Variants in PEX14 observed in about 807,000 individuals in gnomAD.
PEX14 encodes peroxisomal biogenesis factor 14.
In PEX14, 15 loss-of-function variants were observed where a neutral mutation model predicts 49.5. The observed-to-expected ratio is 0.30, with a 90% CI of 0.20 to 0.47. PEX14 has a LOEUF of 0.47. Among genes scored for constraint, PEX14 ranks in the 20% least tolerant of loss-of-function variants. PEX14 has a pLI of 1.00. For synonymous variants in PEX14, 210 were observed against 212.7 expected (o/e 0.99, Z 0.11); for missense variants, 398 against 494.8 (o/e 0.80, Z 1.86).
intron 3 of PEX14, among the ~76,000 whole-genome samples, chr1:10,546,729 C>T (rs937758376): frequency 6.8e-6 from 1 of 147,900 alleles, no homozygotes; most frequent in African/African-American, 2.5e-5. Context: ...ATCAGCCGTG[C>T]GTGGTGGTGG....
In PEX14 at chr1:10,575,249, C is replaced by T. The variant is rs1369481813; in HGVS notation, c.170-23989C>T. On this transcript the variant is annotated intron_variant, in intron 3 of 8. Coordinates refer to ENST00000356607, the MANE Select transcript of PEX14 (RefSeq NM_004565.3). Reference sequence around the variant, plus strand: ...TCATGCAACTTTATGCACTGAAAAACGTTCTATCAAAGTATATAAAGCGAA... The same window carrying T: ...TCATGCAACTTTATGCACTGAAAAATGTTCTATCAAAGTATATAAAGCGAA... Among the ~76,000 whole-genome samples, 4 of 152,166 alleles carry T rather than the reference C, an allele frequency of 2.6e-5. No individual in the cohort carries two copies. The East Asian group carries it at 5.8e-4, about 22-fold the overall frequency.
At chr1:10,504,208 C>G (rs1051737260) in intron 2 of PEX14, among the ~76,000 whole-genome samples, 2 of 152,170 alleles carry the variant, frequency 1.3e-5, no homozygotes, top group African/African-American at 4.8e-5. Context: ...CTTCCTTCTT[C>G]CCTCCCAGCT....
At chr1:10,506,763 T>C (rs1310406599) in intron 2 of PEX14, among the ~76,000 whole-genome samples, 2 of 152,236 alleles carry the variant, frequency 1.3e-5, no homozygotes, top group South Asian at 2.1e-4. Context: ...TACTGATGTC[T>C]TGAAGTTCTT....
rs551483986 is a variant in PEX14, at chr1:10,495,589, G to A, written c.84+268G>A. 6.6e-6 allele frequency among the ~76,000 whole-genome samples: 1 copy of A among 152,286 alleles called. No homozygotes were observed. Among genetic ancestry groups the A allele is most frequent in the South Asian group, 2.1e-4 (1 of 4,830 alleles). On this transcript the variant is annotated intron_variant, in intron 2 of 8. Transcript: ENST00000356607. This position sits in a 1 kb window ranked among gnomAD's most constrained non-coding sequence, Gnocchi z 4.2. ...CCACTTTGTTTGTGGCTGATCAATA[G>A]TAATTAGTGAGATTCCTGCGCCCGT...
chr1:10,583,662 A>T (rs59562625), intron 3 of PEX14, among the ~76,000 whole-genome samples: 20,490 of 65,704 alleles, frequency 0.31, 1,867 homozygotes, highest in Admixed American at 0.43. Context: ...AATAAAATAT[A>T]AACATGAGTA....
At chr1:10,571,778 C>T (rs1417303788) in intron 3 of PEX14, among the ~76,000 whole-genome samples, 1 of 152,102 alleles carries the variant, frequency 6.6e-6, no homozygotes, top group East Asian at 1.9e-4. Flanking sequence ...CACTGCACTC[C>T]AGCCCGGGCA....
At chr1:10,555,642 AGTGTGT>A (rs56824548) in intron 3 of PEX14, among the ~76,000 whole-genome samples, 13 of 149,474 alleles carry the variant, frequency 8.7e-5, no homozygotes, top group South Asian at 4.3e-4. Context: ...GCAAGGTGTG[AGTGTGT>A]GTGTGTGTGT....
intron 3 of PEX14, among the ~76,000 whole-genome samples, chr1:10,585,356 G>C (rs1459459935): frequency 6.6e-6 from 1 of 151,974 alleles, no homozygotes; most frequent in Non-Finnish European, 1.5e-5. Context: ...AGAAAAGAGA[G>C]CACTAAACAG....
At position 10,628,921 on chromosome 1, in the gene PEX14, C is replaced by T. The variant is rs1641826053; in HGVS notation, c.678-610C>T. On this transcript the variant is annotated intron_variant, in intron 8 of 8. Transcript: ENST00000356607. This position sits in a 1 kb window ranked among gnomAD's most constrained non-coding sequence, Gnocchi z 4.5. ...GGCTTTGGTTTGGGCTGGCTGCTGGCCCAGGAACGGAGTACGGAGCAGAAG... is the reference window on the plus strand; with the variant it reads ...GGCTTTGGTTTGGGCTGGCTGCTGGTCCAGGAACGGAGTACGGAGCAGAAG... 6.6e-6 allele frequency among the ~76,000 whole-genome samples: 1 copy of T among 152,194 alleles called. No individual in the cohort carries two copies. Among genetic ancestry groups the T allele is most frequent in the Non-Finnish European group, 1.5e-5 (1 of 68,030 alleles).
Position 10,629,776 on chromosome 1 carries a change from A to G in PEX14, c.923A>G (p.Gln308Arg), listed in dbSNP as rs1641860888. ...EGEGVVDVKGQVRMEVQGEEE... is the reference protein window; with the variant it reads ...EGEGVVDVKGRVRMEVQGEEE... ...GAGGGGGTGGTGGACGTCAAGGGCC[A>G]GGTGCGGATGGAGGTGCAAGGCGAG... The change falls in exon 9 of 9, where the codon CAG (glutamine) becomes CGG (arginine). Residue 308 changes from glutamine (Q) to arginine (R), a missense_variant. Transcript: ENST00000356607. This position sits in a 1 kb window ranked among gnomAD's most constrained non-coding sequence, Gnocchi z 8.5. 2 of 1,582,018 alleles carry G rather than the reference A, an allele frequency of 1.3e-6. No homozygotes were observed. Among genetic ancestry groups the G allele is most frequent in the South Asian group, 1.1e-5 (1 of 88,264 alleles).
intron 2 of PEX14, among the ~76,000 whole-genome samples, chr1:10,502,048 C>T (rs551274037): frequency 1.9e-4 from 29 of 152,174 alleles, no homozygotes; most frequent in African/African-American, 6.5e-4. Context: ...GTATAAACCA[C>T]GGATGGGCTC....
In PEX14 at chr1:10,539,973, C is replaced by T. The variant is rs1353850654; in HGVS notation, c.169+3676C>T. 6.6e-6 allele frequency among the ~76,000 whole-genome samples: 1 copy of T among 152,144 alleles called. No homozygotes were observed. Among genetic ancestry groups the T allele is most frequent in the Non-Finnish European group, 1.5e-5 (1 of 68,030 alleles). On this transcript the variant is annotated intron_variant, in intron 3 of 8. Coordinates refer to ENST00000356607, the MANE Select transcript of PEX14 (RefSeq NM_004565.3). This position sits in a 1 kb window ranked among gnomAD's most constrained non-coding sequence, Gnocchi z 4.6. Reference sequence around the variant, plus strand: ...TTCTGTATAACCCTGCATAGTGGGGCCTGGGTGCTGTTGGCTCACACTTAC... The same window carrying T: ...TTCTGTATAACCCTGCATAGTGGGGTCTGGGTGCTGTTGGCTCACACTTAC...
rs973715075 is a variant in PEX14, at chr1:10,561,915, A to G, written c.169+25618A>G. ...TATGTACTCTTTAGTTCAGAGTGCT[A>G]TAATCTATTATTGTCATTTTTCTTC... On this transcript the variant is annotated intron_variant, in intron 3 of 8. Transcript: ENST00000356607. Among the ~76,000 whole-genome samples, 3 of 152,104 alleles carry G rather than the reference A, an allele frequency of 2.0e-5. No individual in the cohort carries two copies. The East Asian group carries it at 5.8e-4, about 29-fold the overall frequency.
chr1:10,568,721 A>G (rs1399780816), intron 3 of PEX14, among the ~76,000 whole-genome samples: 2 of 152,044 alleles, frequency 1.3e-5, no homozygotes, highest in Non-Finnish European at 2.9e-5. Context: ...GGAAAAATTA[A>G]GGTAGAGTGT....
At chr1:10,583,144 C>A (rs1223324972) in intron 3 of PEX14, among the ~76,000 whole-genome samples, 1 of 151,948 alleles carries the variant, frequency 6.6e-6, no homozygotes, top group African/African-American at 2.4e-5. Flanking sequence ...TTCTCCGTAC[C>A]CCTCCGGACC....
At chr1:10,484,589 G>A in intron 1 of PEX14, among the ~76,000 whole-genome samples, 1 of 151,768 alleles carries the variant, frequency 6.6e-6, no homozygotes, top group East Asian at 1.9e-4. Context: ...CTGCGTAACA[G>A]TATTACCACA....
chr1:10,511,460 C>T (rs1641881840), intron 2 of PEX14, among the ~76,000 whole-genome samples: 1 of 152,102 alleles, frequency 6.6e-6, no homozygotes. Context: ...GCGTGTCTCC[C>T]CTCAGATTTT....
At chr1:10,557,550 C>T (rs1194217801) in intron 3 of PEX14, among the ~76,000 whole-genome samples, 1 of 152,222 alleles carries the variant, frequency 6.6e-6, no homozygotes, top group Non-Finnish European at 1.5e-5. Flanking sequence ...CGTGCCACTG[C>T]ACTTCAGGCT....
intron 3 of PEX14, among the ~76,000 whole-genome samples, chr1:10,557,739 C>G (rs952990608): frequency 5.3e-5 from 8 of 152,224 alleles, no homozygotes; most frequent in African/African-American, 1.9e-4. Flanking sequence ...GAGCACAAGT[C>G]TCAAACTTCC....
Sources: allele counts gnomAD v4.1 joint callset (sites outside exome capture counted in the v4.1 genomes callset), GRCh38; gene constraint gnomAD v4.1.1; non-coding constraint Gnocchi (gnomAD v3.1); transcripts MANE v1.5; gene names NCBI Gene and HGNC (gene_info 2026-07-23, HGNC 2026-07-21).